The following PCGF2 variants were observed in gnomAD, a reference collection of about 807,000 sequenced individuals.
PCGF2 encodes polycomb group RING finger protein 2.
PCGF2 carries 8 observed loss-of-function variants against 36.1 expected under a neutral mutation model. That is an observed-to-expected ratio of 0.22 (90% CI 0.13 to 0.40). The LOEUF (loss-of-function observed/expected upper bound fraction) is 0.40. Among genes scored for constraint, PCGF2 ranks in the 10% least tolerant of loss-of-function variants. PCGF2 has a pLI of 1.00. For missense variants in PCGF2, 436 were observed against 475.9 expected, an observed-to-expected ratio of 0.92 and a Z score of 0.78; for synonymous variants, 198 against 191.2, an observed-to-expected ratio of 1.04 and a Z score of -0.29.
At position 38,735,400 on chromosome 17, in the gene PCGF2, A is replaced by G. The variant is rs753778632; in HGVS notation, c.858T>C (p.Ser286=). The change falls in exon 11 of 11, where the codon TCT becomes TCC. Residue 286 remains serine, a synonymous_variant. Transcript: ENST00000620225. ...TGGCTGGAGGCCCATGGGAACTGGG[A>G]GAGCCATGGGATGGGGTGGCTGGGC... is the stretch of plus-strand genomic sequence containing the variant. ...LPSPATPSHG[S]PSSHGPPATH... The G allele has an allele frequency of 3.2e-5, 50 of 1,571,248 alleles. No individual in the cohort carries two copies. The South Asian group carries it at 3.4e-4, about 11-fold the overall frequency.
rs1906633985 is a variant in PCGF2, at chr17:38,735,517, G to C, written c.741C>G (p.Gly247=). The C allele has an allele frequency of 6.3e-7, 1 of 1,590,806 alleles. No individual in the cohort carries two copies. Among genetic ancestry groups the C allele is most frequent in the African/African-American group, 1.3e-5 (1 of 74,402 alleles). Residue 247 remains glycine (G), a synonymous_variant, in exon 11 of 11, where the codon GGC becomes GGG. Coordinates refer to ENST00000620225, the MANE Select transcript of PCGF2 (RefSeq NM_007144.3). ...ACTCGGACGCCCCGCTGGTGTTGGT[G>C]CCCTCGGAGGGGGTGGGCACCGTGG... The part of the protein sequence containing the change: ...TLATVPTPSE[G]TNTSGASECE...
intron 2 of PCGF2, among the ~76,000 whole-genome samples, chr17:38,742,554 G>A (rs1907267626): frequency 6.6e-6 from 1 of 152,172 alleles, no homozygotes; most frequent in Admixed American, 6.5e-5. Context: ...TGGCGGAGAG[G>A]TGGCGGCCCC....
intron 2 of PCGF2, among the ~76,000 whole-genome samples, chr17:38,745,122 G>A (rs191497757): frequency 5.9e-5 from 9 of 152,322 alleles, no homozygotes; most frequent in Admixed American, 5.9e-4. Flanking sequence ...CATGAGGTCA[G>A]GAGATCGAGA....
chr17:38,749,434 G>A (rs116198531), upstream of PCGF2: 580 of 329,320 alleles, frequency 1.8e-3, 4 homozygotes, highest in African/African-American at 0.012. The surrounding 1 kb of genome is among the most constrained non-coding windows in gnomAD (Gnocchi z 6.5). Context: ...TGGAAACGCC[G>A]GGAGTAGCGG....
chr17:38,736,113 C>T lies in PCGF2; in HGVS notation c.634G>A (p.Ala212Thr), dbSNP rs1304683105. ...LKEYYTLMDI[A>T]YIYPWRRNGP... Reference sequence around the variant, plus strand: ...ACCCGCCGCCAGGGGTAGATGTAGGCGATGTCCATGAGGGTGTAGTATTCC... The same window carrying T: ...ACCCGCCGCCAGGGGTAGATGTAGGTGATGTCCATGAGGGTGTAGTATTCC... Residue 212 changes from alanine to threonine, a missense_variant, in exon 10 of 11, where the codon GCC becomes ACC. Physicochemically the swap from Ala to Thr is moderately conservative, Grantham distance 58. Transcript: ENST00000620225. 9.5e-6 allele frequency: 15 copies of T among 1,584,092 alleles called. No individual in the cohort carries two copies. Among genetic ancestry groups the T allele is most frequent in the African/African-American group, 2.7e-5 (2 of 74,640 alleles).
intron 9 of PCGF2, among the ~76,000 whole-genome samples, chr17:38,737,642 G>A (rs745962447): frequency 5.9e-5 from 9 of 152,070 alleles, no homozygotes; most frequent in African/African-American, 9.7e-5. Flanking sequence ...GCCGGGTGCC[G>A]TGGCTCATGC....
In PCGF2 at chr17:38,738,491, C is replaced by T. The variant is rs145722117; in HGVS notation, c.481-43G>A. Reference sequence around the variant, plus strand: ...CCCATGGTAGGGGATCCACCCCAGGCCACTCCCTCCCAGCCCACATTCCAG... The same window carrying T: ...CCCATGGTAGGGGATCCACCCCAGGTCACTCCCTCCCAGCCCACATTCCAG... On this transcript the variant is annotated intron_variant, in intron 8 of 10. Transcript: ENST00000620225. 1,420 of 1,612,336 alleles carry T rather than the reference C, an allele frequency of 8.8e-4. 9 individuals are homozygous for T. In the African/African-American group the frequency reaches 0.015, roughly 17 times the overall value.
chr17:38,748,661 TC>T (rs1227234016), upstream of PCGF2, among the ~76,000 whole-genome samples: 1 of 151,832 alleles, frequency 6.6e-6, no homozygotes, highest in Admixed American at 6.6e-5. Context: ...AAATATGGGT[TC>T]CCCCCACTGA....
Position 38,739,386 on chromosome 17 carries a change from T to C in PCGF2, c.210-133A>G, listed in dbSNP as rs575851696. 75 of 942,906 alleles carry C rather than the reference T, an allele frequency of 8.0e-5. No homozygotes were observed. In the African/African-American group the frequency reaches 1.2e-3, roughly 15 times the overall value. 58.4% of individuals were successfully genotyped at this position (942,906 alleles called of 1,614,324 possible). The stretch of plus-strand genomic sequence containing the variant: ...CGGTGCCCAGGCATTAGGATCCCTG[T>C]GGGTCTGGTCTTTGCCCCTCTAGTA... On this transcript the variant is annotated intron_variant, in intron 4 of 10. Coordinates refer to ENST00000620225, the MANE Select transcript of PCGF2 (RefSeq NM_007144.3). This position sits in a 1 kb window ranked among gnomAD's most constrained non-coding sequence, Gnocchi z 4.0.
At chr17:38,745,160 G>A (rs1475898803) in intron 2 of PCGF2, among the ~76,000 whole-genome samples, 3 of 152,294 alleles carry the variant, frequency 2.0e-5, no homozygotes, top group Admixed American at 6.5e-5. Flanking sequence ...GTGAAACCCC[G>A]TCTCTACTAA....
chr17:38,735,102 A>C lies in PCGF2; in HGVS notation c.*121T>G. On this transcript the variant is annotated 3_prime_UTR_variant, in exon 11 of 11. Transcript: ENST00000620225. ...ATATATATATATATTTATTTATAAA[A>C]CCCGCCCCCCACCCCCAAGGTGGGA... 1.6e-6 allele frequency: 1 copy of C among 632,924 alleles called. No homozygotes were observed. 39.2% of individuals were successfully genotyped at this position (632,924 alleles called of 1,614,324 possible).
rs74566107 is a variant in PCGF2 at position 38,736,450 on chromosome 17, G to A, written c.577-280C>T. On this transcript the variant is annotated intron_variant, in intron 9 of 10. Transcript: ENST00000620225. ...CTGGGTCTCCTATCTCTGGCAGGTCGCCCAGAGGAGCTGAAAAGGCTCAGG... is the reference window on the plus strand; with the variant it reads ...CTGGGTCTCCTATCTCTGGCAGGTCACCCAGAGGAGCTGAAAAGGCTCAGG... Among the ~76,000 whole-genome samples, 7 of 152,120 alleles carry A rather than the reference G, an allele frequency of 4.6e-5. No homozygotes were observed. The East Asian group carries it at 9.7e-4, about 21-fold the overall frequency.
chr17:38,737,727 C>T (rs987436482), intron 9 of PCGF2, among the ~76,000 whole-genome samples: 15 of 151,772 alleles, frequency 9.9e-5, no homozygotes, highest in Non-Finnish European at 1.5e-4. Flanking sequence ...GCCTGGCCAA[C>T]ATGGTGAAAC....
At chr17:38,735,724 C>G in intron 10 of PCGF2, 124 bp from the exon 11 acceptor site, 1 of 1,294,022 alleles carries the variant, frequency 7.7e-7, no homozygotes, top group Middle Eastern at 2.8e-4. Context: ...GGGATGGGGC[C>G]TTGGAGAGGA....
In PCGF2 at chr17:38,739,220, T is replaced by C; in HGVS notation, c.243A>G (p.Lys81=). The C allele has an allele frequency of 6.2e-7, 1 of 1,614,040 alleles. No homozygotes were observed. Among genetic ancestry groups the C allele is most frequent in the Non-Finnish European group, 8.5e-7 (1 of 1,179,972 alleles). ...SDKTLQDIVY[K]LVPGLFKDEM... ...TACCTTTAAAAAGCCCAGGGACCAATTTGTAGACAATGTCTTGAAGTGTTT... is the reference window on the plus strand; with the variant it reads ...TACCTTTAAAAAGCCCAGGGACCAACTTGTAGACAATGTCTTGAAGTGTTT... Residue 81 remains lysine (K), a synonymous_variant, in exon 5 of 11, where the codon AAA becomes AAG. Coordinates refer to ENST00000620225, the MANE Select transcript of PCGF2 (RefSeq NM_007144.3). The surrounding 1 kb of genome is among the most constrained non-coding windows in gnomAD (Gnocchi z 4.0).
intron 2 of PCGF2, among the ~76,000 whole-genome samples, chr17:38,741,219 C>T (rs936184906): frequency 2.0e-5 from 3 of 151,166 alleles, no homozygotes; most frequent in South Asian, 2.1e-4. Flanking sequence ...TACAGTGAGC[C>T]GTGATTATGC....
At chr17:38,744,156 G>A (rs1034400641) in intron 2 of PCGF2, among the ~76,000 whole-genome samples, 9 of 152,152 alleles carry the variant, frequency 5.9e-5, no homozygotes, top group Admixed American at 5.2e-4. Flanking sequence ...GTCTTTGCAA[G>A]GGTGTGTGTG....
rs928063289 is a variant in PCGF2 at position 38,739,370 on chromosome 17, G to A, written c.210-117C>T. The A allele has an allele frequency of 4.9e-5, 49 of 1,007,026 alleles. No homozygotes were observed. Among genetic ancestry groups the A allele is most frequent in the Non-Finnish European group, 7.5e-5 (48 of 644,270 alleles). The allele number at this position is 1,007,026 out of a possible 1,614,324, so 62.4% of individuals were successfully genotyped here. A position where few individuals can be genotyped will look rare whatever the true frequency, so the allele number is the denominator to read the frequency against. ...ACCCCCTTCCTGAGACCGGTGCCCA[G>A]GCATTAGGATCCCTGTGGGTCTGGT... On this transcript the variant is annotated intron_variant, in intron 4 of 10. Coordinates refer to ENST00000620225, the MANE Select transcript of PCGF2 (RefSeq NM_007144.3). This position sits in a 1 kb window ranked among gnomAD's most constrained non-coding sequence, Gnocchi z 4.0.
intron 2 of PCGF2, among the ~76,000 whole-genome samples, chr17:38,741,353 G>A (rs1907191936): frequency 6.6e-6 from 1 of 152,152 alleles, no homozygotes; most frequent in Non-Finnish European, 1.5e-5. Flanking sequence ...CTAGGAACTA[G>A]GAGGAAACTT....
Sources: gnomAD v4.1 joint callset for allele counts (sites outside exome capture counted in the v4.1 genomes callset) on GRCh38, gnomAD v4.1.1 for gene constraint, Gnocchi (gnomAD v3.1) non-coding constraint, MANE v1.5 for transcripts, NCBI Gene and HGNC (gene_info 2026-07-23, HGNC 2026-07-21) for gene names.